The following GLRA1 variants were observed in gnomAD, a reference collection of about 807,000 sequenced individuals.
GLRA1 encodes glycine receptor subunit alpha-1.
A neutral mutation model predicts 48.3 loss-of-function variants in GLRA1; 37 were observed. The ratio of observed to expected loss-of-function variants is 0.77; its 90% CI spans 0.59 to 1.01. The LOEUF (loss-of-function observed/expected upper bound fraction) is 1.01. Among genes scored for constraint, GLRA1 ranks in the 50% least tolerant of loss-of-function variants. The pLI, the probability that GLRA1 is intolerant of heterozygous loss-of-function variation, is 0.00. For synonymous variants in GLRA1, 196 were observed against 210.7 expected, an observed-to-expected ratio of 0.93 and a Z score of 0.60; for missense variants, 427 against 571.0, an observed-to-expected ratio of 0.75 and a Z score of 2.57.
intron 2 of GLRA1, among the ~76,000 whole-genome samples, chr5:151,889,957 A>G (rs748710787): frequency 2.0e-5 from 3 of 152,096 alleles, no homozygotes; most frequent in Non-Finnish European, 2.9e-5. Context: ...GGACGGGCCT[A>G]AAAGATGAAC....
At chr5:151,893,182 C>A (rs962347953) in intron 1 of GLRA1, among the ~76,000 whole-genome samples, 8 of 152,106 alleles carry the variant, frequency 5.3e-5, no homozygotes, top group African/African-American at 1.9e-4. Context: ...TCTGTCACCC[C>A]TCTCCCACCC....
intron 3 of GLRA1, among the ~76,000 whole-genome samples, chr5:151,880,819 G>A (rs574800366): frequency 6.6e-4 from 100 of 152,154 alleles, no homozygotes; most frequent in Non-Finnish European, 1.0e-3. Flanking sequence ...ACTCAAATGC[G>A]GATACATACT....
intron 3 of GLRA1, among the ~76,000 whole-genome samples, chr5:151,865,988 G>A (rs1581628920): frequency 6.6e-6 from 1 of 152,324 alleles, no homozygotes; most frequent in African/African-American, 2.4e-5. Context: ...ATAGCTATAC[G>A]TATGCTGGTT....
At chr5:151,850,973 A>T (rs368715490) in intron 7 of GLRA1, among the ~76,000 whole-genome samples, 1 of 152,220 alleles carries the variant, frequency 6.6e-6, no homozygotes, top group African/African-American at 2.4e-5. Context: ...GCTGAGTCCT[A>T]TGAATCTTTC....
At chr5:151,882,754 T>C (rs1201651011) in intron 3 of GLRA1, among the ~76,000 whole-genome samples, 2 of 152,110 alleles carry the variant, frequency 1.3e-5, no homozygotes, top group South Asian at 2.1e-4. Flanking sequence ...GAGAGTTTTT[T>C]CCCCTATATC....
intron 3 of GLRA1, among the ~76,000 whole-genome samples, chr5:151,885,759 A>T (rs141263531): frequency 1.3e-5 from 2 of 152,310 alleles, no homozygotes; most frequent in East Asian, 3.9e-4. Context: ...TTTGCAAAAG[A>T]ACTTGGGTTT....
chr5:151,850,328 CT>C, intron 7 of GLRA1: 1 of 1,546,258 alleles, frequency 6.5e-7, no homozygotes, highest in South Asian at 1.1e-5. Context: ...GAGATCATTT[CT>C]GGGTGGGCTG....
chr5:151,911,642 T>C (rs973529120), intron 1 of GLRA1, among the ~76,000 whole-genome samples: 5 of 147,568 alleles, frequency 3.4e-5, no homozygotes, highest in Admixed American at 6.8e-5. Flanking sequence ...GTCTCACTCT[T>C]TTGCCCAGGC....
chr5:151,912,262 GTTTTTTT>G (rs370730368), intron 1 of GLRA1, among the ~76,000 whole-genome samples: 1 of 121,640 alleles, frequency 8.2e-6, no homozygotes, highest in Non-Finnish European at 1.7e-5. Flanking sequence ...TGTGAAGACT[GTTTTTTT>G]TTTTTTTTTT....
rs114719389 is a variant in GLRA1 at position 151,911,094 on chromosome 5, A to G, written c.56+13400T>C. On this transcript the variant is annotated intron_variant, in intron 1 of 8. Transcript: ENST00000274576. ...CAGAGCAGGACTGGGCTGAGCCAAC[A>G]TAACAGGGTGGATGCCTGGCCTACC... is the stretch of plus-strand genomic sequence containing the variant. Among the ~76,000 whole-genome samples the G allele has an allele frequency of 8.0e-3, 1,222 of 152,356 alleles. 20 individuals are homozygous for G. Among genetic ancestry groups the G allele is most frequent in the African/African-American group, 0.028 (1,150 of 41,574 alleles).
chr5:151,891,987 A>C (rs1005392174), intron 2 of GLRA1, among the ~76,000 whole-genome samples: 2 of 152,194 alleles, frequency 1.3e-5, no homozygotes, highest in Non-Finnish European at 2.9e-5. Flanking sequence ...TCAGAGAGTA[A>C]GTTTGTGCCT....
At chr5:151,873,702 A>T (rs1233478032) in intron 3 of GLRA1, among the ~76,000 whole-genome samples, 1 of 151,824 alleles carries the variant, frequency 6.6e-6, no homozygotes, top group Non-Finnish European at 1.5e-5. Flanking sequence ...TAAAAATTGA[A>T]CTAAGGTGGG....
chr5:151,853,353 C>T (rs543463031), intron 6 of GLRA1, among the ~76,000 whole-genome samples: 1 of 151,984 alleles, frequency 6.6e-6, no homozygotes, highest in East Asian at 1.9e-4. Flanking sequence ...TTCAAGGGAT[C>T]TCCTGTCTCA....
At position 151,890,753 on chromosome 5, in the gene GLRA1, C is replaced by T. The variant is rs146044807; in HGVS notation, c.184+1558G>A. On this transcript the variant is annotated intron_variant, in intron 2 of 8. Coordinates refer to ENST00000274576, the MANE Select transcript of GLRA1 (RefSeq NM_000171.4). ...ATTCATATACTATAGTTGTCTTGCCCCTCTAGGTATTAGAGGTTGTGACCC... is the reference window on the plus strand; with the variant it reads ...ATTCATATACTATAGTTGTCTTGCCTCTCTAGGTATTAGAGGTTGTGACCC... 1.3e-3 allele frequency among the ~76,000 whole-genome samples: 202 copies of T among 152,286 alleles called. 1 individual carries two copies. The highest frequency in any genetic ancestry group is 4.6e-3 in the African/African-American group (191 of 41,544).
chr5:151,874,374 G>A (rs1452742107), intron 3 of GLRA1, among the ~76,000 whole-genome samples: 1 of 152,148 alleles, frequency 6.6e-6, no homozygotes, highest in Non-Finnish European at 1.5e-5. Context: ...ACCTCCACAT[G>A]ACCCCTTGAA....
intron 7 of GLRA1, chr5:151,850,845 C>T: frequency 1.4e-6 from 1 of 694,726 alleles, no homozygotes; most frequent in South Asian, 1.5e-5. Flanking sequence ...CATCCCACTC[C>T]AACTCTTCCC....
chr5:151,863,747 C>T (rs1203975668), intron 3 of GLRA1, among the ~76,000 whole-genome samples: 1 of 152,182 alleles, frequency 6.6e-6, no homozygotes, highest in East Asian at 1.9e-4. Flanking sequence ...CCTCATCAGT[C>T]TTGATCTGTT....
chr5:151,872,770 AT>A (rs1166219207), intron 3 of GLRA1, among the ~76,000 whole-genome samples: 1 of 149,934 alleles, frequency 6.7e-6, no homozygotes, highest in Admixed American at 6.6e-5. Flanking sequence ...TAAATAATAT[AT>A]TTGTTTTCCC....
intron 8 of GLRA1, among the ~76,000 whole-genome samples, chr5:151,823,546 G>A (rs1763195879): frequency 6.6e-6 from 1 of 152,192 alleles, no homozygotes; most frequent in Admixed American, 6.5e-5. Context: ...TGGAGCAGGA[G>A]CTCTGGGCCT....
Sources: allele counts gnomAD v4.1 joint callset (sites outside exome capture counted in the v4.1 genomes callset), GRCh38; gene constraint gnomAD v4.1.1; transcripts MANE v1.5; gene names NCBI Gene and HGNC (gene_info 2026-07-23, HGNC 2026-07-21).